Variants in IMPDH2 observed in about 807,000 individuals in gnomAD.
IMPDH2 encodes the protein inosine monophosphate dehydrogenase 2.
Under a neutral mutation model 57.8 loss-of-function variants are expected in IMPDH2, and 33 were observed. That is an observed-to-expected ratio of 0.57 (90% confidence interval 0.43 to 0.76). The LOEUF (loss-of-function observed/expected upper bound fraction) is 0.76, where lower values mean the gene tolerates loss of function less well. Among genes scored for constraint, IMPDH2 ranks in the 30% least tolerant of loss-of-function variants. IMPDH2 has a pLI of 0.00. For synonymous variants in IMPDH2, 270 were observed against 241.3 expected (o/e 1.12, Z -1.10); for missense variants, 446 against 659.1 (o/e 0.68, Z 3.54).
At chr3:49,029,211 G>A in intron 1 of IMPDH2, 42 bp downstream of exon 1, 1 of 1,478,420 alleles carries the variant, frequency 6.8e-7, no homozygotes, top group Non-Finnish European at 9.3e-7. Context: ...TCCCCAGGGT[G>A]CCGCCCCTCT....
In IMPDH2 at chr3:49,026,689, A is replaced by C; in HGVS notation, c.817T>G (p.Leu273Val). Reference sequence around the variant, plus strand: ...AACCCACCTGTGTAGCAGCTCACCAAAACCACTACATCCACACCAGCCTGG... The same window carrying C: ...AACCCACCTGTGTAGCAGCTCACCACAACCACTACATCCACACCAGCCTGG... Reference protein sequence around the residue: ...LAQAGVDVVVLDSSQGNSIFQ... With the variant: ...LAQAGVDVVVVDSSQGNSIFQ... Residue 273 changes from leucine to valine, a missense_variant and splice_region_variant, in exon 7 of 14, where the codon TTG (leucine) becomes GTG (valine). Coordinates refer to ENST00000326739, the MANE Select transcript of IMPDH2 (RefSeq NM_000884.3). 6.2e-7 allele frequency: 1 copy of C among 1,614,076 alleles called. No individual in the cohort carries two copies. Among genetic ancestry groups the C allele is most frequent in the Non-Finnish European group, 8.5e-7 (1 of 1,180,000 alleles).
chr3:49,025,868 C>T (rs2093196352), intron 9 of IMPDH2: 1 of 424,258 alleles, frequency 2.4e-6, no homozygotes, highest in East Asian at 7.1e-5. Context: ...ACCCCCAAAC[C>T]ATGGTCTGTG....
intron 9 of IMPDH2, chr3:49,025,962 C>CTGGGCCGGGCCAG (rs926232081): frequency 1.9e-5 from 9 of 466,934 alleles, no homozygotes; most frequent in Admixed American, 1.6e-4. Flanking sequence ...CAGTGGGCAG[C>CTGGGCCGGGCCAG]TGGGCCGGGC....
intron 1 of IMPDH2, 46 bp downstream of exon 1, chr3:49,029,206 AG>A: frequency 4.1e-6 from 6 of 1,464,776 alleles, no homozygotes; most frequent in Non-Finnish European, 4.7e-6. Context: ...CCTTTTCCCC[AG>A]GGTGCCGCCC....
At position 49,026,340 on chromosome 3, in the gene IMPDH2, G is replaced by T; in HGVS notation, c.990C>A (p.Ile330=). The T allele has an allele frequency of 6.2e-7, 1 of 1,611,510 alleles. No individual in the cohort carries two copies. The highest frequency in any genetic ancestry group is 8.5e-7 in the Non-Finnish European group (1 of 1,178,430). The change falls in exon 9 of 14, where the codon ATC becomes ATA. Residue 330 remains isoleucine (I), a synonymous_variant. Coordinates refer to ENST00000326739, the MANE Select transcript of IMPDH2 (RefSeq NM_000884.3). ...TATTCTTACCTTCCTGCGTAATGCA[G>T]ATGGAGCCACTTCCCATGCCCACCC... ...ALRVGMGSGS[I]CITQEVLACG...
At chr3:49,025,894 C>A (rs1297293574) in intron 9 of IMPDH2, 1 of 450,318 alleles carries the variant, frequency 2.2e-6, no homozygotes, top group Non-Finnish European at 4.4e-6. Context: ...GTTGGCCTTG[C>A]CCACCCATCA....
rs764985288 is a variant in IMPDH2, at chr3:49,024,410, G to A, written c.1524-6C>T. Reference sequence around the variant, plus strand: ...AGAAAAGCCGCTTCTCATACCTGCAGGCAGAAGGACCACCTGTGAGGTGAG... The same window carrying A: ...AGAAAAGCCGCTTCTCATACCTGCAAGCAGAAGGACCACCTGTGAGGTGAG... On this transcript the variant is annotated splice_region_variant and splice_polypyrimidine_tract_variant and intron_variant, in intron 13 of 13. Coordinates refer to ENST00000326739, the MANE Select transcript of IMPDH2 (RefSeq NM_000884.3). 5.6e-6 allele frequency: 9 copies of A among 1,614,148 alleles called. No individual in the cohort carries two copies. Among genetic ancestry groups the A allele is most frequent in the Middle Eastern group, 1.6e-4 (1 of 6,062 alleles).
In IMPDH2 at chr3:49,027,011, C is replaced by A; in HGVS notation, c.568G>T (p.Ala190Ser). 6.2e-7 allele frequency: 1 copy of A among 1,614,038 alleles called. No homozygotes were observed. The highest frequency in any genetic ancestry group is 8.5e-7 in the Non-Finnish European group (1 of 1,179,886). Residue 190 changes from alanine to serine, a missense_variant, in exon 6 of 14, where the codon GCA becomes TCA. By Grantham distance (99) the Ala-to-Ser change is moderately conservative. Coordinates refer to ENST00000326739, the MANE Select transcript of IMPDH2 (RefSeq NM_000884.3). ...TKREDLVVAP[A>S]GITLKEANEI... The stretch of plus-strand genomic sequence containing the variant: ...TTTGCCTCCTTCAGTGTGATGCCTG[C>A]AGGGGCTACCACCAAGTCTTCCCTC...
At position 49,029,339 on chromosome 3, in the gene IMPDH2, G is replaced by A. The variant is rs2093215660; in HGVS notation, c.12C>T (p.Tyr4=). The change falls in exon 1 of 14, where the codon TAC becomes TAT. Residue 4 remains tyrosine (Y), a synonymous_variant. Coordinates refer to ENST00000326739, the MANE Select transcript of IMPDH2 (RefSeq NM_000884.3). ...CGTAGGACGTGCCCCCACTAATCAG[G>A]TAGTCGGCCATGGCCAACACAGGAC... is the stretch of plus-strand genomic sequence containing the variant. MAD[Y]LISGGTSYVP... The A allele has an allele frequency of 2.5e-6, 4 of 1,598,164 alleles. No homozygotes were observed. The highest frequency in any genetic ancestry group is 3.4e-6 in the Non-Finnish European group (4 of 1,172,544).
intron 5 of IMPDH2, 33 bp from the exon 6 acceptor site, chr3:49,027,080 G>C (rs568009322): frequency 8.1e-6 from 12 of 1,480,368 alleles, no homozygotes; most frequent in African/African-American, 2.8e-5. Context: ...AGAAGGGCCA[G>C]TCATCGACTA....
chr3:49,028,244 T>A lies in IMPDH2; in HGVS notation c.324+4A>T. ...CGCTTGCTAATGATCGTTGCCCTTCTGACCTTCACTTTCCGAACTTCATTG... is the reference window on the plus strand; with the variant it reads ...CGCTTGCTAATGATCGTTGCCCTTCAGACCTTCACTTTCCGAACTTCATTG... On this transcript the variant is annotated splice_donor_region_variant and intron_variant, in intron 4 of 13. Coordinates refer to ENST00000326739, the MANE Select transcript of IMPDH2 (RefSeq NM_000884.3). 1 of 1,613,628 alleles carries A rather than the reference T, an allele frequency of 6.2e-7. No individual in the cohort carries two copies. Among genetic ancestry groups the A allele is most frequent in the Non-Finnish European group, 8.5e-7 (1 of 1,179,484 alleles).
At position 49,028,328 on chromosome 3, in the gene IMPDH2, G is replaced by C; in HGVS notation, c.250-6C>G. 6.2e-7 allele frequency: 1 copy of C among 1,613,762 alleles called. No homozygotes were observed. The highest frequency in any genetic ancestry group is 8.5e-7 in the Non-Finnish European group (1 of 1,179,648). The stretch of plus-strand genomic sequence containing the variant: ...AAGCCAATACCGCCTGTAAGCTACA[G>C]GATAAAAAGAGACTACTACTAAGTG... On this transcript the variant is annotated splice_region_variant and splice_polypyrimidine_tract_variant and intron_variant, in intron 3 of 13. Transcript: ENST00000326739.
In IMPDH2 at chr3:49,026,486, C is replaced by T. The variant is rs368053702; in HGVS notation, c.910+33G>A. The stretch of plus-strand genomic sequence containing the variant: ...TGGGAGCCCAGCTTACCCACTCCCA[C>T]CACACATCCTTCAGGGCACAATCTT... On this transcript the variant is annotated intron_variant, in intron 8 of 13. Coordinates refer to ENST00000326739, the MANE Select transcript of IMPDH2 (RefSeq NM_000884.3). The T allele has an allele frequency of 1.4e-5, 23 of 1,603,458 alleles. 1 individual carries two copies. In the African/African-American group the frequency reaches 2.7e-4, roughly 19 times the overall value.
In IMPDH2 at chr3:49,029,398, G is replaced by A. The variant is rs370333374; in HGVS notation, c.-48C>T. ...GTGTCTCCGAGGACCGCGCCGCAGA[G>A]ACCTCTGCCGTCTGGGCCGCGCCAA... On this transcript the variant is annotated 5_prime_UTR_variant, in exon 1 of 14. Coordinates refer to ENST00000326739, the MANE Select transcript of IMPDH2 (RefSeq NM_000884.3). 1.0e-5 allele frequency: 13 copies of A among 1,292,492 alleles called. No individual in the cohort carries two copies. The highest frequency in any genetic ancestry group is 3.9e-5 in the Admixed American group (2 of 50,898). The allele number at this position is 1,292,492 out of a possible 1,614,324, so 80.1% of individuals were successfully genotyped here.
At chr3:49,024,468 G>C in intron 13 of IMPDH2, 27 bp downstream of exon 13, 2 of 1,613,906 alleles carry the variant, frequency 1.2e-6, no homozygotes, top group South Asian at 1.1e-5. Context: ...GTATGGCAGA[G>C]GCCCCACCAA....
At chr3:49,028,129 G>A (rs1181177971) in intron 4 of IMPDH2, 119 bp downstream of exon 4, 2 of 937,292 alleles carry the variant, frequency 2.1e-6, no homozygotes, top group Admixed American at 1.9e-5. Flanking sequence ...GGTCTTCTCA[G>A]TAACTGAACC....
chr3:49,024,907 G>C lies in IMPDH2; in HGVS notation c.1284C>G (p.Asn428Lys). Residue 428 changes from asparagine to lysine, a missense_variant, in exon 11 of 14, where the codon AAC (asparagine) becomes AAG (lysine). Transcript: ENST00000326739. ...CTTGCCTGTCCCACCTGAAATATCT[G>C]TTCTGGCTGCTGAGGTGCTTGTCCA... ...DAMDKHLSSQNRYFSEADKIK... is the reference protein window; with the variant it reads ...DAMDKHLSSQKRYFSEADKIK... The C allele has an allele frequency of 1.2e-6, 2 of 1,614,234 alleles. No homozygotes were observed. Among genetic ancestry groups the C allele is most frequent in the Non-Finnish European group, 1.7e-6 (2 of 1,180,042 alleles).
chr3:49,025,307 A>G (rs1242255020), intron 9 of IMPDH2, 38 bp from the exon 10 acceptor site: 1 of 1,613,092 alleles, frequency 6.2e-7, no homozygotes, highest in East Asian at 2.2e-5. Context: ...GATAGGGTTA[A>G]TGGGGACGGG....
In IMPDH2 at chr3:49,027,597, T is replaced by G. The variant is rs540027515; in HGVS notation, c.531+113A>C. ...CAATAAAGGAGTCAGAAACTTGGTT[T>G]GACACTCCTTTCCCAGAGAGAAGAG... On this transcript the variant is annotated intron_variant, in intron 5 of 13. Coordinates refer to ENST00000326739, the MANE Select transcript of IMPDH2 (RefSeq NM_000884.3). 5.4e-6 allele frequency: 5 copies of G among 923,612 alleles called. No individual in the cohort carries two copies. The South Asian group carries it at 7.6e-5, about 14-fold the overall frequency. The allele number at this position is 923,612 out of a possible 1,614,324, so 57.2% of individuals were successfully genotyped here.
Sources: allele counts gnomAD v4.1 joint callset, GRCh38; gene constraint gnomAD v4.1.1; transcripts MANE v1.5; gene names NCBI Gene and HGNC (gene_info 2026-07-23, HGNC 2026-07-21).